HIPK4: variants seen among roughly 807,000 people sequenced by gnomAD.
The protein encoded by HIPK4 is homeodomain interacting protein kinase 4.
A neutral mutation model predicts 44.8 loss-of-function variants in HIPK4; 26 were observed. That is an observed-to-expected ratio of 0.58 (90% confidence interval 0.43 to 0.80). HIPK4 has a LOEUF of 0.80. Among genes scored for constraint, HIPK4 ranks in the 30% least tolerant of loss-of-function variants. The pLI, the probability that HIPK4 is intolerant of heterozygous loss-of-function variation, is 0.00. For missense variants in HIPK4, 729 were observed against 862.6 expected (o/e 0.85, Z 1.94); for synonymous variants, 340 against 355.5 (o/e 0.96, Z 0.49).
intron 1 of HIPK4, among the ~76,000 whole-genome samples, chr19:40,384,449 G>A (rs2079353674): frequency 6.6e-6 from 1 of 152,056 alleles, no homozygotes; most frequent in Admixed American, 6.6e-5. Context: ...GATTGCAGGC[G>A]CCCACCACCA....
chr19:40,384,721 C>G (rs1448523388), intron 1 of HIPK4, among the ~76,000 whole-genome samples: 2 of 151,736 alleles, frequency 1.3e-5, no homozygotes, highest in African/African-American at 4.8e-5. Context: ...AAGTGATTCT[C>G]CAGCCTCAGT....
rs949388492 is a variant in HIPK4, at chr19:40,379,333, G to T, written c.*254C>A. On this transcript the variant is annotated 3_prime_UTR_variant, in exon 4 of 4. Transcript: ENST00000291823. ...AGGGCCAAGGGCGAGCGCAGGGCCA[G>T]CGGGGTGCAGCCCCCTTTCCTGCTG... 4.0e-6 allele frequency: 2 copies of T among 502,312 alleles called. No individual in the cohort carries two copies. Among genetic ancestry groups the T allele is most frequent in the African/African-American group, 4.0e-5 (2 of 49,580 alleles). The allele number at this position is 502,312 out of a possible 1,614,324, so 31.1% of individuals were successfully genotyped here. A position where few individuals can be genotyped will look rare whatever the true frequency, so the allele number is the denominator to read the frequency against.
In HIPK4 at chr19:40,386,723, T is replaced by C. The variant is rs932994521; in HGVS notation, c.466-2584A>G. 2.0e-5 allele frequency among the ~76,000 whole-genome samples: 3 copies of C among 152,204 alleles called. No homozygotes were observed. In the South Asian group the frequency reaches 6.2e-4, roughly 31 times the overall value. On this transcript the variant is annotated intron_variant, in intron 1 of 3. Coordinates refer to ENST00000291823, the MANE Select transcript of HIPK4 (RefSeq NM_144685.5). ...CAAAGAATTTATCCATTTTGTTCAA[T>C]ACTGTATCCCTAGATGCCTAGAACA...
rs1399710922 is a variant in HIPK4 at position 40,380,328 on chromosome 19, C to T, written c.1663G>A (p.Ala555Thr). ...CCTGAACGCACCCGGCTCACCTCAG[C>T]TTCCATGGTCATGTTGTCAATGTTG... ...GPNIDNMTME[A>T]ERPDPELFDP... The change falls in exon 3 of 4, where the codon GCT (alanine) becomes ACT (threonine). Residue 555 changes from alanine to threonine, a missense_variant. This residue lies in a region of HIPK4 where 533 missense variants were observed against 567.5 expected (regional missense o/e 0.94). Coordinates refer to ENST00000291823, the MANE Select transcript of HIPK4 (RefSeq NM_144685.5). The surrounding 1 kb of genome is among the most constrained non-coding windows in gnomAD (Gnocchi z 4.2). 5.0e-6 allele frequency: 8 copies of T among 1,612,594 alleles called. No homozygotes were observed. Among genetic ancestry groups the T allele is most frequent in the Non-Finnish European group, 6.8e-6 (8 of 1,178,806 alleles).
At chr19:40,379,791 C>T in intron 3 of HIPK4, 22 bp from the exon 4 acceptor site, 1 of 1,601,996 alleles carries the variant, frequency 6.2e-7, no homozygotes, top group Non-Finnish European at 8.5e-7. Flanking sequence ...GAGAGAGGGG[C>T]ATCAGCCAAG....
In HIPK4 at chr19:40,384,147, G is replaced by C. The variant is rs1037156149; in HGVS notation, c.466-8C>G. The C allele has an allele frequency of 6.4e-7, 1 of 1,561,168 alleles. No homozygotes were observed. The highest frequency in any genetic ancestry group is 2.3e-5 in the East Asian group (1 of 44,132). ...GGATCCGAAGTCAATCACCTGTCGG[G>C]GGTGGGGAAGAGGGCGAGTGGGCAG... On this transcript the variant is annotated splice_polypyrimidine_tract_variant and splice_region_variant and intron_variant, in intron 1 of 3. Transcript: ENST00000291823.
Position 40,389,963 on chromosome 19 carries a change from A to G in HIPK4, c.-61T>C. On this transcript the variant is annotated 5_prime_UTR_variant, in exon 1 of 4. Transcript: ENST00000291823. This position sits in a 1 kb window ranked among gnomAD's most constrained non-coding sequence, Gnocchi z 4.6. ...CCCTGTACCACTGGCTCTGCCGCCC[A>G]GGCCTCCCGCCTGGCTGCTGACACA... The G allele has an allele frequency of 3.0e-6, 4 of 1,355,512 alleles. No individual in the cohort carries two copies. The highest frequency in any genetic ancestry group is 4.1e-6 in the Non-Finnish European group (4 of 984,682). The allele number at this position is 1,355,512 out of a possible 1,614,324, so 84.0% of individuals were successfully genotyped here.
At position 40,379,492 on chromosome 19, in the gene HIPK4, G is replaced by A; in HGVS notation, c.*95C>T. On this transcript the variant is annotated 3_prime_UTR_variant, in exon 4 of 4. Transcript: ENST00000291823. ...TATCTTTCTGTAAGAATAATTTGTG[G>A]GTTCAGGAGATGGCTCTGAGGAGCA... 9.6e-7 allele frequency: 1 copy of A among 1,037,330 alleles called. No homozygotes were observed. Among genetic ancestry groups the A allele is most frequent in the South Asian group, 1.8e-5 (1 of 56,072 alleles). The allele number at this position is 1,037,330 out of a possible 1,614,324, so 64.3% of individuals were successfully genotyped here.
intron 1 of HIPK4, among the ~76,000 whole-genome samples, chr19:40,384,917 C>G (rs1258055574): frequency 6.6e-6 from 1 of 152,076 alleles, no homozygotes; most frequent in Non-Finnish European, 1.5e-5. Context: ...CAGCTGTGGC[C>G]GTAGTTGTTA....
chr19:40,381,014 C>A lies in HIPK4; in HGVS notation c.977G>T (p.Arg326Leu). Residue 326 changes from arginine to leucine, a missense_variant, in exon 3 of 4, where the codon CGC becomes CTC. This residue lies in a region of HIPK4 where 533 missense variants were observed against 567.5 expected (regional missense o/e 0.94). Transcript: ENST00000291823. ...DLKSMVELIK[R>L]MLTWESHERI... Reference sequence around the variant, plus strand: ...TTCGTGTGACTCCCAGGTCAGCATGCGCTTGATCAGCTCCACCATGCTCTT... The same window carrying A: ...TTCGTGTGACTCCCAGGTCAGCATGAGCTTGATCAGCTCCACCATGCTCTT... 1 of 1,613,424 alleles carries A rather than the reference C, an allele frequency of 6.2e-7. No homozygotes were observed. The highest frequency in any genetic ancestry group is 1.3e-5 in the African/African-American group (1 of 75,060).
rs2079320598 is a variant in HIPK4, at chr19:40,379,710, T to C, written c.1728A>G (p.Pro576=). The C allele has an allele frequency of 6.2e-7, 1 of 1,609,694 alleles. No individual in the cohort carries two copies. Among genetic ancestry groups the C allele is most frequent in the Non-Finnish European group, 8.5e-7 (1 of 1,178,828 alleles). Residue 576 remains proline, a synonymous_variant, in exon 4 of 4, where the codon CCA becomes CCG. Coordinates refer to ENST00000291823, the MANE Select transcript of HIPK4 (RefSeq NM_144685.5). Reference sequence around the variant, plus strand: ...CCCTGACGCTCTCCAGGGTGCAGTCTGGCTCACTCAGCCATTCTCCAGGAC... The same window carrying C: ...CCCTGACGCTCTCCAGGGTGCAGTCCGGCTCACTCAGCCATTCTCCAGGAC... ...SSCPGEWLSE[P]DCTLESVRGP...
Position 40,390,107 on chromosome 19 carries a change from C to T in HIPK4, c.-205G>A. On this transcript the variant is annotated 5_prime_UTR_variant, in exon 1 of 4. In the 5' UTR this introduces an upstream ATG that the reference lacks. Coordinates refer to ENST00000291823, the MANE Select transcript of HIPK4 (RefSeq NM_144685.5). ...CACTGTCAGTCTGCCAGGGGCTGCA[C>T]CCCTCCCCAGAAACCCTCCTGGCTT... The T allele has an allele frequency of 5.1e-6, 3 of 586,500 alleles. No individual in the cohort carries two copies. Among genetic ancestry groups the T allele is most frequent in the Non-Finnish European group, 9.1e-6 (3 of 329,272 alleles). 36.3% of individuals were successfully genotyped at this position (586,500 alleles called of 1,614,324 possible).
chr19:40,389,008 T>C lies in HIPK4; in HGVS notation c.465+430A>G, dbSNP rs12975594. Reference sequence around the variant, plus strand: ...ACCAGCCTGGCCAACATGGCGAAACTCCATCTCTACTAAAAATACAAAAAT... The same window carrying C: ...ACCAGCCTGGCCAACATGGCGAAACCCCATCTCTACTAAAAATACAAAAAT... On this transcript the variant is annotated intron_variant, in intron 1 of 3. Transcript: ENST00000291823. The surrounding 1 kb of genome is among the most constrained non-coding windows in gnomAD (Gnocchi z 4.6). Among the ~76,000 whole-genome samples the C allele has an allele frequency of 0.65, 99,118 of 151,508 alleles. 32,405 individuals are homozygous for C. The highest frequency in any genetic ancestry group is 0.73 in the Admixed American group (11,146 of 15,224).
At position 40,379,403 on chromosome 19, in the gene HIPK4, T is replaced by G; in HGVS notation, c.*184A>C. The stretch of plus-strand genomic sequence containing the variant: ...TGGGCCAGACTCCAAAGCCCTGCTG[T>G]GTTTAGGAGAGGTGTGCAGGCACGC... On this transcript the variant is annotated 3_prime_UTR_variant, in exon 4 of 4. Coordinates refer to ENST00000291823, the MANE Select transcript of HIPK4 (RefSeq NM_144685.5). 1 of 572,978 alleles carries G rather than the reference T, an allele frequency of 1.7e-6. No individual in the cohort carries two copies. The highest frequency in any genetic ancestry group is 3.0e-6 in the Non-Finnish European group (1 of 336,718). 35.5% of individuals were successfully genotyped at this position (572,978 alleles called of 1,614,324 possible). A position where few individuals can be genotyped will look rare whatever the true frequency, so the allele number is the denominator to read the frequency against.
chr19:40,382,007 T>A (rs1160052370), intron 2 of HIPK4, among the ~76,000 whole-genome samples: 1 of 152,032 alleles, frequency 6.6e-6, no homozygotes, highest in Non-Finnish European at 1.5e-5. Context: ...GGTTTCACCA[T>A]GTTGGCCAGG....
At position 40,380,510 on chromosome 19, in the gene HIPK4, C is replaced by G; in HGVS notation, c.1481G>C (p.Gly494Ala). 2 of 1,612,598 alleles carry G rather than the reference C, an allele frequency of 1.2e-6. No individual in the cohort carries two copies. Among genetic ancestry groups the G allele is most frequent in the South Asian group, 1.1e-5 (1 of 91,082 alleles). ...GRHKARKPPA[G>A]SKSDSNFSNL... The stretch of plus-strand genomic sequence containing the variant: ...GCTGAAGTTGGAGTCGGACTTGGAA[C>G]CCGCAGGTGGCTTGCGGGCCTTGTG... The change falls in exon 3 of 4, where the codon GGT becomes GCT. Residue 494 changes from glycine (G) to alanine (A), a missense_variant. This residue lies in a region of HIPK4 where 533 missense variants were observed against 567.5 expected (regional missense o/e 0.94). Coordinates refer to ENST00000291823, the MANE Select transcript of HIPK4 (RefSeq NM_144685.5). The surrounding 1 kb of genome is among the most constrained non-coding windows in gnomAD (Gnocchi z 4.2).
intron 1 of HIPK4, among the ~76,000 whole-genome samples, chr19:40,386,466 G>A (rs193276579): frequency 7.2e-5 from 11 of 152,246 alleles, no homozygotes; most frequent in South Asian, 4.1e-4. Flanking sequence ...AGATCCTCCC[G>A]CCTCAGCCTC....
In HIPK4 at chr19:40,390,004, G is replaced by C; in HGVS notation, c.-102C>G. The C allele has an allele frequency of 1.1e-6, 1 of 878,582 alleles. No homozygotes were observed. The highest frequency in any genetic ancestry group is 2.6e-5 in the East Asian group (1 of 38,012). The allele number at this position is 878,582 out of a possible 1,614,324, so 54.4% of individuals were successfully genotyped here. A position where few individuals can be genotyped will look rare whatever the true frequency, so the allele number is the denominator to read the frequency against. On this transcript the variant is annotated 5_prime_UTR_variant, in exon 1 of 4. Coordinates refer to ENST00000291823, the MANE Select transcript of HIPK4 (RefSeq NM_144685.5). Reference sequence around the variant, plus strand: ...TGCTGACACAGCAGGCCCCCCAGTGGGGGAAAGAGAACCGCACTCGTGTCT... The same window carrying C: ...TGCTGACACAGCAGGCCCCCCAGTGCGGGAAAGAGAACCGCACTCGTGTCT...
At chr19:40,386,795 G>T (rs899031482) in intron 1 of HIPK4, among the ~76,000 whole-genome samples, 8 of 152,196 alleles carry the variant, frequency 5.3e-5, no homozygotes, top group African/African-American at 1.9e-4. Flanking sequence ...GTGAATGAAT[G>T]AATGTATGTA....
Sources: gnomAD v4.1 joint callset for allele counts (sites outside exome capture counted in the v4.1 genomes callset) on GRCh38, gnomAD v4.1.1 for gene constraint, gnomAD v4.1.1 regional missense constraint, Gnocchi (gnomAD v3.1) non-coding constraint, MANE v1.5 for transcripts, NCBI Gene and HGNC (gene_info 2026-07-23, HGNC 2026-07-21) for gene names.